The following B3GALT1 variants were observed in gnomAD, a reference collection of about 807,000 sequenced individuals.
The protein encoded by B3GALT1 is beta-1,3-galactosyltransferase 1, also known as UDP-Gal:betaGlcNAc beta 1,3-galactosyltransferase, polypeptide 1.
Under a neutral mutation model 23.2 loss-of-function variants are expected in B3GALT1, and 10 were observed. That is an observed-to-expected ratio of 0.43 (90% CI 0.27 to 0.73). B3GALT1 has a LOEUF of 0.73. Ranked by LOEUF, B3GALT1 falls within the 30% of genes least tolerant of loss-of-function variation. B3GALT1 has a pLI of 0.21. For missense variants in B3GALT1, 299 were observed against 405.4 expected (o/e 0.74, Z 2.25); for synonymous variants, 156 against 141.5 (o/e 1.10, Z -0.73).
rs552141350 is a variant in B3GALT1, at chr2:167,777,094, A to G, written c.-351-41578A>G. 2.0e-5 allele frequency among the ~76,000 whole-genome samples: 3 copies of G among 152,280 alleles called. 1 individual carries two copies. The South Asian group carries it at 6.2e-4, about 32-fold the overall frequency. On this transcript the variant is annotated intron_variant, in intron 3 of 4. Coordinates refer to ENST00000392690, the MANE Select transcript of B3GALT1 (RefSeq NM_020981.4). ...AAAAGAAGAAGAGACAAACTCTCTA[A>G]TTTTTCTAAGTATCAGGCATATAGT...
intron 3 of B3GALT1, among the ~76,000 whole-genome samples, chr2:167,699,755 C>T (rs1686847604): frequency 6.6e-6 from 1 of 152,048 alleles, no homozygotes; most frequent in Non-Finnish European, 1.5e-5. Context: ...TCTTGTTGCC[C>T]AGGCTGGACT....
At chr2:167,389,925 C>A (rs1871178) in intron 1 of B3GALT1, among the ~76,000 whole-genome samples, 51,355 of 102,118 alleles carry the variant, frequency 0.5, 10,409 homozygotes, top group Non-Finnish European at 0.59. Flanking sequence ...AAAAAAAAAA[C>A]AAAAAAAAAA....
intron 1 of B3GALT1, among the ~76,000 whole-genome samples, chr2:167,439,525 A>G (rs1193727330): frequency 5.3e-5 from 8 of 151,916 alleles, no homozygotes; most frequent in Admixed American, 2.0e-4. Flanking sequence ...TTATTGCTAT[A>G]TTTTTCTAGC....
intron 2 of B3GALT1, among the ~76,000 whole-genome samples, chr2:167,608,833 T>C (rs952235829): frequency 6.6e-6 from 1 of 152,154 alleles, no homozygotes; most frequent in African/African-American, 2.4e-5. Context: ...ATAAAGTGTT[T>C]AAGAGAAGTT....
At position 167,715,236 on chromosome 2, in the gene B3GALT1, G is replaced by A. The variant is rs1216427546; in HGVS notation, c.-352+68270G>A. Reference sequence around the variant, plus strand: ...GTGTCTTCTTCAAGCACAGCAGCCTGATCTTTCATCATTGGCAAGTGTCCA... The same window carrying A: ...GTGTCTTCTTCAAGCACAGCAGCCTAATCTTTCATCATTGGCAAGTGTCCA... On this transcript the variant is annotated intron_variant, in intron 3 of 4. Transcript: ENST00000392690. 6 of 1,613,846 alleles carry A rather than the reference G, an allele frequency of 3.7e-6. No homozygotes were observed. The African/African-American group carries it at 6.7e-5, about 18-fold the overall frequency.
At chr2:167,794,818 A>G (rs6759363) in intron 3 of B3GALT1, among the ~76,000 whole-genome samples, 15,433 of 152,252 alleles carry the variant, frequency 0.1, 1,172 homozygotes, top group African/African-American at 0.2. Flanking sequence ...GATCAAAGAC[A>G]AAGCGATTTC....
At chr2:167,685,127 A>C (rs1235371891) in intron 3 of B3GALT1, among the ~76,000 whole-genome samples, 1 of 152,246 alleles carries the variant, frequency 6.6e-6, no homozygotes, top group Non-Finnish European at 1.5e-5. Flanking sequence ...GATGCTGCAA[A>C]TGTTCTTAGA....
At chr2:167,831,498 C>A (rs998130434) in intron 4 of B3GALT1, among the ~76,000 whole-genome samples, 4 of 151,860 alleles carry the variant, frequency 2.6e-5, no homozygotes, top group Non-Finnish European at 4.4e-5. Context: ...TTAAAATGGC[C>A]AAAATAAGGA....
chr2:167,679,858 G>A (rs988337300), intron 3 of B3GALT1, among the ~76,000 whole-genome samples: 4 of 152,022 alleles, frequency 2.6e-5, no homozygotes, highest in East Asian at 1.9e-4. Context: ...TTTATCTTAC[G>A]GGCAGAGGCT....
intron 3 of B3GALT1, among the ~76,000 whole-genome samples, chr2:167,778,503 GT>G (rs977928698): frequency 2.0e-5 from 3 of 152,092 alleles, no homozygotes; most frequent in African/African-American, 7.2e-5. Context: ...GCAAAGCCAA[GT>G]TGTATTTGTA....
intron 2 of B3GALT1, among the ~76,000 whole-genome samples, chr2:167,495,081 A>G (rs1285461731): frequency 6.6e-6 from 1 of 152,214 alleles, no homozygotes; most frequent in Non-Finnish European, 1.5e-5. Context: ...AATGTTTGTA[A>G]CACAGTAAAG....
intron 2 of B3GALT1, among the ~76,000 whole-genome samples, chr2:167,542,019 G>T (rs908777300): frequency 8.5e-5 from 13 of 152,058 alleles, no homozygotes; most frequent in African/African-American, 3.1e-4. Flanking sequence ...ATTTTGAAAA[G>T]ACATTAAATT....
chr2:167,373,560 G>A (rs1697717160), intron 1 of B3GALT1, among the ~76,000 whole-genome samples: 2 of 152,176 alleles, frequency 1.3e-5, no homozygotes, highest in Admixed American at 6.5e-5. Flanking sequence ...TAAAAAAGAG[G>A]TAGAGCAAAA....
At chr2:167,338,125 A>G (rs1211588030) in intron 1 of B3GALT1, among the ~76,000 whole-genome samples, 1 of 152,184 alleles carries the variant, frequency 6.6e-6, no homozygotes, top group Non-Finnish European at 1.5e-5. Context: ...TTCTCGTTTT[A>G]GGAAAATTTA....
In B3GALT1 at chr2:167,530,197, TCTC is replaced by T. The variant is rs1487553171; in HGVS notation, c.-410+39924_-410+39926del. 4.6e-5 allele frequency among the ~76,000 whole-genome samples: 7 copies of T among 152,288 alleles called. No individual in the cohort carries two copies. The South Asian group carries it at 1.5e-3, about 32-fold the overall frequency. ...TTAATTCAGATCTCTGTCCAAATGT[TCTC>T]CTCAAACAGATTCTACCCCCTATTG... On this transcript the variant is annotated intron_variant, in intron 2 of 4. Transcript: ENST00000392690.
intron 2 of B3GALT1, among the ~76,000 whole-genome samples, chr2:167,541,285 C>G (rs192164080): frequency 8.5e-5 from 13 of 152,174 alleles, no homozygotes; most frequent in Admixed American, 8.5e-4. Context: ...TCTTGCTCAG[C>G]CTGTATTTCT....
Position 167,495,441 on chromosome 2 carries a change from C to G in B3GALT1, c.-410+5164C>G, listed in dbSNP as rs148484066. Among the ~76,000 whole-genome samples, 817 of 144,464 alleles carry G rather than the reference C, an allele frequency of 5.7e-3. 7 individuals are homozygous for G. The highest frequency in any genetic ancestry group is 0.02 in the African/African-American group (788 of 38,986). The allele number at this position is 144,464 out of a possible 152,430, so 94.8% of individuals were successfully genotyped here. A position where few individuals can be genotyped will look rare whatever the true frequency, so the allele number is the denominator to read the frequency against. ...CTCTGCCTCCTAGGTTCAAGTGATT[C>G]TCCTGCCTCAGCCTCCCGAGTAGCT... On this transcript the variant is annotated intron_variant, in intron 2 of 4. Transcript: ENST00000392690.
intron 2 of B3GALT1, among the ~76,000 whole-genome samples, chr2:167,556,294 G>A (rs903516031): frequency 1.3e-5 from 2 of 152,074 alleles, no homozygotes; most frequent in Non-Finnish European, 2.9e-5. Context: ...GAGCGCAAAT[G>A]AGGCATTGGA....
chr2:167,715,232 G>A, intron 3 of B3GALT1: 2 of 1,613,974 alleles, frequency 1.2e-6, no homozygotes, highest in South Asian at 2.2e-5. Context: ...AAGCACAGCA[G>A]CCTGATCTTT....
Sources: allele counts gnomAD v4.1 joint callset (sites outside exome capture counted in the v4.1 genomes callset), GRCh38; gene constraint gnomAD v4.1.1; transcripts MANE v1.5; gene names NCBI Gene and HGNC (gene_info 2026-07-23, HGNC 2026-07-21).